The following GNG7 variants were observed in gnomAD, a reference collection of about 807,000 sequenced individuals.
GNG7 encodes guanine nucleotide-binding protein G(I)/G(S)/G(O) subunit gamma-7.
A neutral mutation model predicts 4.0 loss-of-function variants in GNG7; 1 was observed. The ratio of observed to expected loss-of-function variants is 0.25; its 90% CI spans 0.09 to 1.18. The LOEUF (loss-of-function observed/expected upper bound fraction) is 1.18, where lower values mean the gene tolerates loss of function less well. Ranked by LOEUF, GNG7 falls within the 50% of genes most tolerant of loss-of-function variation. GNG7 has a pLI of 0.50. For synonymous variants in GNG7, 34 were observed against 36.9 expected, an observed-to-expected ratio of 0.92 and a Z score of 0.29; for missense variants, 86 against 91.9, an observed-to-expected ratio of 0.94 and a Z score of 0.26.
chr19:2,607,410 T>G (rs889385708), intron 2 of GNG7, among the ~76,000 whole-genome samples: 1 of 150,838 alleles, frequency 6.6e-6, no homozygotes, highest in African/African-American at 2.4e-5. Flanking sequence ...GCGCCTGTTA[T>G]CCCAGCTACT....
In GNG7 at chr19:2,514,681, G is replaced by T. The variant is rs867375975; in HGVS notation, c.*341C>A. On this transcript the variant is annotated 3_prime_UTR_variant, in exon 5 of 5. Coordinates refer to ENST00000382159, the MANE Select transcript of GNG7 (RefSeq NM_052847.3). Reference sequence around the variant, plus strand: ...CCGGTCCACAATTGAAACGGCAATCGAGAGTTTTAAAAAATTGTTACCCCA... The same window carrying T: ...CCGGTCCACAATTGAAACGGCAATCTAGAGTTTTAAAAAATTGTTACCCCA... 1.7e-5 allele frequency: 3 copies of T among 181,260 alleles called. No homozygotes were observed. The East Asian group carries it at 4.3e-4, about 26-fold the overall frequency. 11.2% of individuals were successfully genotyped at this position (181,260 alleles called of 1,614,324 possible).
At chr19:2,679,481 G>C (rs1232342194) in intron 1 of GNG7, among the ~76,000 whole-genome samples, 1 of 152,010 alleles carries the variant, frequency 6.6e-6, no homozygotes, top group African/African-American at 2.4e-5. Flanking sequence ...ATGACCCTAG[G>C]GAGTGATTCC....
chr19:2,645,602 G>T (rs1982644022), intron 2 of GNG7, among the ~76,000 whole-genome samples: 1 of 152,024 alleles, frequency 6.6e-6, no homozygotes, highest in Non-Finnish European at 1.5e-5. Flanking sequence ...CCAGGTTGCG[G>T]TCACCCCGAC....
At chr19:2,523,497 G>A (rs1474976985) in intron 3 of GNG7, among the ~76,000 whole-genome samples, 1 of 152,044 alleles carries the variant, frequency 6.6e-6, no homozygotes, top group Non-Finnish European at 1.5e-5. Flanking sequence ...AGGCCAGACT[G>A]GGCAATTTAG....
At chr19:2,604,677 G>C (rs1461687075) in intron 2 of GNG7, among the ~76,000 whole-genome samples, 4 of 147,232 alleles carry the variant, frequency 2.7e-5, no homozygotes, top group Non-Finnish European at 4.5e-5. Context: ...AAGGAAGGAA[G>C]GAAGGGAGGG....
At chr19:2,657,361 A>AAAAATATATATATATAT (rs1555701153) in intron 1 of GNG7, among the ~76,000 whole-genome samples, 2 of 16,324 alleles carry the variant, frequency 1.2e-4, no homozygotes, top group Non-Finnish European at 2.0e-4. Context: ...AAAAAAAAAA[A>AAAAATATATATATATAT]ATATATATAT....
At chr19:2,627,941 C>A (rs959973503) in intron 2 of GNG7, among the ~76,000 whole-genome samples, 5 of 152,220 alleles carry the variant, frequency 3.3e-5, no homozygotes, top group African/African-American at 1.2e-4. Flanking sequence ...TGGACCAGAT[C>A]CCTGATCTTA....
At chr19:2,632,443 AC>A (rs1403832880) in intron 2 of GNG7, 2 of 151,186 alleles carry the variant, frequency 1.3e-5, no homozygotes, top group African/African-American at 2.5e-5. Context: ...AAAAAAAAAA[AC>A]AAAAAAACCC....
At chr19:2,701,032 C>T (rs1479474705) in intron 1 of GNG7, 1 of 152,136 alleles carries the variant, frequency 6.6e-6, no homozygotes, top group African/African-American at 2.4e-5. Flanking sequence ...CGCTCAATAG[C>T]ACCGTCCCAA....
rs1568277669 is a variant in GNG7 at position 2,661,270 on chromosome 19, A to AAAGAAAGAAAGAAAGG, written c.-134-14991_-134-14990insCCTTTCTTTCTTTCTT. Among the ~76,000 whole-genome samples the AAAGAAAGAAAGAAAGG allele has an allele frequency of 1.7e-4, 12 of 70,914 alleles. 1 individual carries two copies. The highest frequency in any genetic ancestry group is 4.6e-4 in the East Asian group (1 of 2,168). The allele number at this position is 70,914 out of a possible 152,430, so 46.5% of individuals were successfully genotyped here. ...AAAAGAAAGAAAGAAAGAAAGAAAGAAAAGAAAGAAAGAAAGAAAGAAAGA... is the reference window on the plus strand; with the variant it reads ...AAAAGAAAGAAAGAAAGAAAGAAAGAAAGAAAGAAAGAAAGGAAAGAAAGAAAGAAAGAAAGAAAGA... On this transcript the variant is annotated intron_variant, in intron 1 of 4. Coordinates refer to ENST00000382159, the MANE Select transcript of GNG7 (RefSeq NM_052847.3).
intron 2 of GNG7, among the ~76,000 whole-genome samples, chr19:2,559,311 C>A (rs952056181): frequency 6.7e-6 from 1 of 148,998 alleles, no homozygotes; most frequent in African/African-American, 2.5e-5. Flanking sequence ...TTTCAGGAAA[C>A]TTTCCTTTAT....
intron 1 of GNG7, among the ~76,000 whole-genome samples, chr19:2,667,059 C>T (rs1051090003): frequency 6.6e-6 from 1 of 152,322 alleles, no homozygotes; most frequent in East Asian, 1.9e-4. Context: ...GTGGCTCACG[C>T]CTGTAATCCC....
At chr19:2,623,417 A>C (rs1304653930) in intron 2 of GNG7, among the ~76,000 whole-genome samples, 2 of 152,224 alleles carry the variant, frequency 1.3e-5, no homozygotes, top group Non-Finnish European at 2.9e-5. Flanking sequence ...CAGCACCCAA[A>C]AGGTGGAAGC....
intron 3 of GNG7, among the ~76,000 whole-genome samples, chr19:2,540,492 G>A (rs1300918299): frequency 1.3e-5 from 2 of 152,182 alleles, no homozygotes; most frequent in Admixed American, 6.6e-5. Flanking sequence ...TTAGCCCGAC[G>A]GCGTGCCCAG....
intron 3 of GNG7, among the ~76,000 whole-genome samples, chr19:2,540,237 A>G (rs1229322468): frequency 6.6e-6 from 1 of 151,658 alleles, no homozygotes; most frequent in Non-Finnish European, 1.5e-5. Context: ...TGAAAACTTG[A>G]ACTCCTGGGC....
intron 2 of GNG7, among the ~76,000 whole-genome samples, chr19:2,569,188 G>A (rs1980067289): frequency 6.6e-6 from 1 of 152,172 alleles, no homozygotes; most frequent in African/African-American, 2.4e-5. Flanking sequence ...GCACCTGCTG[G>A]GGATCAGTTC....
At chr19:2,681,941 G>A (rs529820768) in intron 1 of GNG7, among the ~76,000 whole-genome samples, 1 of 152,162 alleles carries the variant, frequency 6.6e-6, no homozygotes, top group African/African-American at 2.4e-5. Flanking sequence ...ATGGAGTCTT[G>A]CTCTGTTGCC....
Position 2,626,861 on chromosome 19 carries a change from CA to C in GNG7, c.-78+19362del, listed in dbSNP as rs1417727805. 7.2e-5 allele frequency among the ~76,000 whole-genome samples: 11 copies of C among 151,960 alleles called. No homozygotes were observed. Among genetic ancestry groups the C allele is most frequent in the Admixed American group, 7.2e-4 (11 of 15,268 alleles). ...GCCAGGGATGCTGCTCAGCACCCTG[CA>C]GTGCCCAGGACGGCCTCACCCCAGA... On this transcript the variant is annotated intron_variant, in intron 2 of 4. Transcript: ENST00000382159. This position sits in a 1 kb window ranked among gnomAD's most constrained non-coding sequence, Gnocchi z 5.0.
chr19:2,579,937 G>T (rs1980453296), intron 2 of GNG7, among the ~76,000 whole-genome samples: 1 of 152,154 alleles, frequency 6.6e-6, no homozygotes, highest in Non-Finnish European at 1.5e-5. Context: ...GGTTCCAGGG[G>T]AGAACGCTTT....
Sources: allele counts gnomAD v4.1 joint callset (sites outside exome capture counted in the v4.1 genomes callset), GRCh38; gene constraint gnomAD v4.1.1; non-coding constraint Gnocchi (gnomAD v3.1); transcripts MANE v1.5; gene names NCBI Gene and HGNC (gene_info 2026-07-23, HGNC 2026-07-21).